The following GPN1 variants were observed in gnomAD, a reference collection of about 807,000 sequenced individuals.
GPN1 encodes the protein GPN-loop GTPase 1.
In GPN1, 44 loss-of-function variants were observed where a neutral mutation model predicts 55.9. The observed-to-expected ratio is 0.79, with a 90% CI of 0.62 to 1.01. GPN1 has a LOEUF of 1.01. Among genes scored for constraint, GPN1 ranks in the 50% least tolerant of loss-of-function variants. The probability of loss-of-function intolerance (pLI) is 0.00; values close to 1 mark genes in which losing one functional copy is unlikely to be tolerated. For synonymous variants in GPN1, 179 were observed against 162.5 expected, an observed-to-expected ratio of 1.10 and a Z score of -0.77; for missense variants, 466 against 462.8, an observed-to-expected ratio of 1.01 and a Z score of -0.06.
In GPN1 at chr2:27,631,041, G is replaced by A. The variant is rs1367802056; in HGVS notation, c.220G>A (p.Val74Ile). 2 of 1,370,328 alleles carry A rather than the reference G, an allele frequency of 1.5e-6. No homozygotes were observed. The highest frequency in any genetic ancestry group is 2.3e-5 in the East Asian group (1 of 43,734). 84.9% of individuals were successfully genotyped at this position (1,370,328 alleles called of 1,614,324 possible). A position where few individuals can be genotyped will look rare whatever the true frequency, so the allele number is the denominator to read the frequency against. The change falls in exon 3 of 14, where the codon GTA (valine) becomes ATA (isoleucine). Residue 74 changes from valine to isoleucine, a missense_variant. Val to Ile is a conservative substitution (Grantham distance 29). Transcript: ENST00000610189. ...TTTCTCCTCAGATATTCGTGATACTGTAAAGTATAAAGAAGTAATGAAACA... is the reference window on the plus strand; with the variant it reads ...TTTCTCCTCAGATATTCGTGATACTATAAAGTATAAAGAAGTAATGAAACA... ...FPANIDIRDT[V>I]KYKEVMKQYG...
intron 3 of GPN1, 52 bp from the exon 4 acceptor site, chr2:27,631,782 G>A: frequency 9.7e-7 from 1 of 1,031,056 alleles, no homozygotes. Flanking sequence ...GCCTAGGTAT[G>A]AACTTTATAA....
intron 7 of GPN1, among the ~76,000 whole-genome samples, chr2:27,637,606 G>A (rs193168110): frequency 1.9e-4 from 29 of 152,222 alleles, no homozygotes; most frequent in Non-Finnish European, 4.4e-5. Context: ...AATAAAAATT[G>A]TATATATTTA....
intron 12 of GPN1, among the ~76,000 whole-genome samples, chr2:27,646,158 CA>C (rs1674217366): frequency 6.6e-6 from 1 of 152,204 alleles, no homozygotes; most frequent in Admixed American, 6.5e-5. Context: ...TGTTGTGCCT[CA>C]GCCTCCTGTG....
In GPN1 at chr2:27,649,491, C is replaced by G. The variant is rs1010582551; in HGVS notation, c.1040-624C>G. 3.9e-5 allele frequency among the ~76,000 whole-genome samples: 6 copies of G among 152,120 alleles called. 1 individual carries two copies. The highest frequency in any genetic ancestry group is 7.2e-5 in the African/African-American group (3 of 41,418). On this transcript the variant is annotated intron_variant, in intron 13 of 13. Transcript: ENST00000610189. ...ACAATCACAGTTGAAATGTAGAGCA[C>G]TTCCCTCACCCCCCAAAACTTCCTC...
At chr2:27,642,387 A>G in intron 11 of GPN1, 42 bp from the exon 12 acceptor site, 1 of 1,190,534 alleles carries the variant, frequency 8.4e-7, no homozygotes, top group Non-Finnish European at 1.3e-6. Context: ...CTAATTTGGG[A>G]CTCCTTTTTG....
At chr2:27,630,069 C>T (rs1673475792) in intron 2 of GPN1, 117 bp downstream of exon 2, 2 of 672,052 alleles carry the variant, frequency 3.0e-6, no homozygotes, top group Non-Finnish European at 2.7e-6. Context: ...AGGTAGATCA[C>T]GAGGTCAGGA....
At chr2:27,640,168 C>G (rs1197057590) in intron 10 of GPN1, 43 bp downstream of exon 10, 1 of 1,244,466 alleles carries the variant, frequency 8.0e-7, no homozygotes, top group Non-Finnish European at 1.2e-6. Context: ...TCTTAATAAC[C>G]TACAATTCTG....
At chr2:27,649,068 A>AC (rs1674381912) in intron 13 of GPN1, among the ~76,000 whole-genome samples, 1 of 150,846 alleles carries the variant, frequency 6.6e-6, no homozygotes, top group African/African-American at 2.4e-5. Flanking sequence ...ACATGGTGAA[A>AC]CCCCATCTCT....
At position 27,635,182 on chromosome 2, in the gene GPN1, T is replaced by C; in HGVS notation, c.472T>C (p.Ser158Pro). 6.2e-7 allele frequency: 1 copy of C among 1,606,694 alleles called. No homozygotes were observed. Among genetic ancestry groups the C allele is most frequent in the Non-Finnish European group, 8.5e-7 (1 of 1,173,852 alleles). ...AGTTGTCATCTATGTAATGGACACA[T>C]CGAGAAGTACCAACCCAGTGACCTT... is the stretch of plus-strand genomic sequence containing the variant. ...PTVVIYVMDT[S>P]RSTNPVTFMS... The change falls in exon 7 of 14, where the codon TCG becomes CCG. Residue 158 changes from serine to proline, a missense_variant. Ser to Pro is a moderately conservative substitution (Grantham distance 74, BLOSUM62 -1). Transcript: ENST00000610189.
intron 12 of GPN1, among the ~76,000 whole-genome samples, chr2:27,642,954 TATATACACAC>T (rs1245101340): frequency 6.4e-5 from 3 of 46,750 alleles, no homozygotes; most frequent in Admixed American, 1.7e-4. Flanking sequence ...TATATATATA[TATATACACAC>T]ACACACACAC....
At chr2:27,630,073 G>T in intron 2 of GPN1, 121 bp downstream of exon 2, 1 of 660,950 alleles carries the variant, frequency 1.5e-6, no homozygotes, top group Non-Finnish European at 2.8e-6. Flanking sequence ...AGATCACGAG[G>T]TCAGGAGTTC....
rs146371804 is a variant in GPN1, at chr2:27,629,098, G to C, written c.40G>C (p.Gly14Arg). 20 of 1,614,130 alleles carry C rather than the reference G, an allele frequency of 1.2e-5. No individual in the cohort carries two copies. In the Admixed American group the frequency reaches 2.5e-4, roughly 20 times the overall value. ...SAAAAELQAS[G>R]GPRHPVCLLV... Reference sequence around the variant, plus strand: ...AGCTGCCGCTGAGCTCCAGGCTTCTGGGGGTCCGCGGCACCCAGTGTGTCT... The same window carrying C: ...AGCTGCCGCTGAGCTCCAGGCTTCTCGGGGTCCGCGGCACCCAGTGTGTCT... Residue 14 changes from glycine to arginine, a missense_variant, in exon 1 of 14, where the codon GGG becomes CGG. Physicochemically the swap from Gly to Arg is moderately radical, Grantham distance 125 (BLOSUM62 -2). Transcript: ENST00000610189.
intron 7 of GPN1, 93 bp from the exon 8 acceptor site, chr2:27,638,117 T>C (rs1673799854): frequency 4.1e-6 from 3 of 731,438 alleles, no homozygotes; most frequent in South Asian, 1.5e-5. Flanking sequence ...TCTGAACTCA[T>C]TTCTGTTCTC....
upstream of GPN1, chr2:27,628,592 A>G (rs1673385313): frequency 6.4e-7 from 1 of 1,551,272 alleles, no homozygotes; most frequent in African/African-American, 1.4e-5. Context: ...TGGAGACTGC[A>G]CCCTGCTCCA....
intron 12 of GPN1, 79 bp downstream of exon 12, chr2:27,642,598 C>T (rs527290174): frequency 7.8e-5 from 69 of 886,612 alleles, no homozygotes; most frequent in South Asian, 6.8e-4. Flanking sequence ...ATTTTTGAGA[C>T]GGAGTTTCAC....
chr2:27,636,566 C>A (rs549840595), intron 7 of GPN1, among the ~76,000 whole-genome samples: 1 of 152,040 alleles, frequency 6.6e-6, no homozygotes, highest in Non-Finnish European at 1.5e-5. Context: ...ACAATCTCAC[C>A]GTACTGCAAT....
intron 4 of GPN1, among the ~76,000 whole-genome samples, 166 bp downstream of exon 4, chr2:27,632,066 T>C (rs1315055629): frequency 6.6e-6 from 1 of 152,154 alleles, no homozygotes; most frequent in Non-Finnish European, 1.5e-5. Context: ...AGGTGATCAG[T>C]ATGGTCAGAC....
chr2:27,631,980 A>G, intron 4 of GPN1, 80 bp downstream of exon 4: 1 of 849,946 alleles, frequency 1.2e-6, no homozygotes. Context: ...CACATTGGTA[A>G]AGAAGAGCAG....
At position 27,651,344 on chromosome 2, in the gene GPN1, C is replaced by T. The variant is rs1441307900; in HGVS notation, c.*1144C>T. The T allele has an allele frequency of 6.6e-6, 1 of 152,270 alleles. No homozygotes were observed. The highest frequency in any genetic ancestry group is 1.5e-5 in the Non-Finnish European group (1 of 68,044). The allele number at this position is 152,270 out of a possible 1,614,324, so 9.4% of individuals were successfully genotyped here. A position where few individuals can be genotyped will look rare whatever the true frequency, so the allele number is the denominator to read the frequency against. The stretch of plus-strand genomic sequence containing the variant: ...GAGCAGTCTGTTTTAGAAAGCCCTC[C>T]ATGTGATTCTGATGCATAGTAGCCT... On this transcript the variant is annotated 3_prime_UTR_variant, in exon 14 of 14. Coordinates refer to ENST00000610189, the MANE Select transcript of GPN1 (RefSeq NM_007266.4).
Sources: allele counts gnomAD v4.1 joint callset (sites outside exome capture counted in the v4.1 genomes callset), GRCh38; gene constraint gnomAD v4.1.1; transcripts MANE v1.5; gene names NCBI Gene and HGNC (gene_info 2026-07-23, HGNC 2026-07-21).